The following VAV3 variants were observed in gnomAD, a reference collection of about 807,000 sequenced individuals.
VAV3 encodes the protein vav guanine nucleotide exchange factor 3, also known as guanine nucleotide exchange factor VAV3.
In VAV3, 94 loss-of-function variants were observed where a neutral mutation model predicts 131.2. The observed-to-expected ratio is 0.72, with a 90% CI of 0.61 to 0.85. The LOEUF (loss-of-function observed/expected upper bound fraction) is 0.85, where lower values mean the gene tolerates loss of function less well. Among genes scored for constraint, VAV3 ranks in the 40% least tolerant of loss-of-function variants. VAV3 has a pLI of 0.00. For missense variants in VAV3, 939 were observed against 1,002.7 expected (o/e 0.94, Z 0.86); for synonymous variants, 349 against 342.0 (o/e 1.02, Z -0.22).
intron 1 of VAV3, among the ~76,000 whole-genome samples, chr1:107,895,112 G>A (rs989944847): frequency 2.6e-5 from 4 of 151,970 alleles, no homozygotes; most frequent in Admixed American, 2.6e-4. Context: ...AGTCAGTTTG[G>A]GACGAAGAGG....
At chr1:107,837,352 CT>C (rs201592793) in intron 2 of VAV3, among the ~76,000 whole-genome samples, 1,620 of 152,066 alleles carry the variant, frequency 0.011, 16 homozygotes, top group African/African-American at 0.017. Flanking sequence ...CAGAAAAAAA[CT>C]TTGAATAAAA....
intron 25 of VAV3, among the ~76,000 whole-genome samples, chr1:107,575,054 AGCTAACTTTCTCCCTG>A (rs1317828052): frequency 4.1e-5 from 6 of 147,938 alleles, no homozygotes; most frequent in African/African-American, 1.5e-4. Flanking sequence ...GCAGGAGAGG[AGCTAACTTTCTCCCTG>A]GCCCTGCTGG....
chr1:107,799,944 T>C (rs1274858856), intron 2 of VAV3, among the ~76,000 whole-genome samples: 1 of 152,150 alleles, frequency 6.6e-6, no homozygotes, highest in African/African-American at 2.4e-5. Context: ...GAACATGTAA[T>C]ATTTGATTTT....
At chr1:107,905,477 A>G (rs1672058742) in intron 1 of VAV3, among the ~76,000 whole-genome samples, 1 of 152,164 alleles carries the variant, frequency 6.6e-6, no homozygotes. Flanking sequence ...TGCCCTATAC[A>G]TAGTAGACCC....
chr1:107,811,226 T>C (rs17020107), intron 2 of VAV3, among the ~76,000 whole-genome samples: 22,995 of 152,094 alleles, frequency 0.15, 2,018 homozygotes, highest in East Asian at 0.29. Flanking sequence ...GTTGAACAGG[T>C]ATCTTTTAGA....
intron 15 of VAV3, among the ~76,000 whole-genome samples, chr1:107,741,099 T>G (rs1444153100): frequency 6.6e-6 from 1 of 152,222 alleles, no homozygotes; most frequent in Non-Finnish European, 1.5e-5. Flanking sequence ...TGCTGTTTCT[T>G]AGGCCTGCTT....
chr1:107,839,754 A>T (rs952581614), intron 2 of VAV3, among the ~76,000 whole-genome samples: 19 of 152,148 alleles, frequency 1.2e-4, no homozygotes, highest in African/African-American at 4.6e-4. Flanking sequence ...CTTTGAAAAG[A>T]TCAATAAAAC....
chr1:107,799,421 T>C (rs1666724140), intron 2 of VAV3, among the ~76,000 whole-genome samples: 1 of 151,696 alleles, frequency 6.6e-6, no homozygotes, highest in Admixed American at 6.6e-5. Flanking sequence ...CATATCCATA[T>C]TTGTAAGAAT....
At chr1:107,865,436 C>T (rs538856863) in intron 2 of VAV3, among the ~76,000 whole-genome samples, 3 of 152,028 alleles carry the variant, frequency 2.0e-5, no homozygotes, top group Admixed American at 1.3e-4. Flanking sequence ...ATTGAGTCAC[C>T]GCAGACAAGG....
At chr1:107,688,344 C>A (rs1486283374) in intron 18 of VAV3, 37 bp downstream of exon 18, 2 of 1,605,142 alleles carry the variant, frequency 1.2e-6, no homozygotes, top group Non-Finnish European at 1.7e-6. Context: ...ACTTGAAATG[C>A]AAAGGTTATA....
intron 15 of VAV3, among the ~76,000 whole-genome samples, chr1:107,735,629 C>A (rs1260712594): frequency 7.9e-6 from 1 of 127,314 alleles, no homozygotes; most frequent in Non-Finnish European, 1.7e-5. Context: ...AATTCCTAGA[C>A]ACATACACTC....
At chr1:107,607,913 A>G in intron 22 of VAV3, among the ~76,000 whole-genome samples, 1 of 152,334 alleles carries the variant, frequency 6.6e-6, no homozygotes, top group South Asian at 2.1e-4. Flanking sequence ...CAAGCAAAGT[A>G]ATTTTCTCTA....
intron 19 of VAV3, among the ~76,000 whole-genome samples, chr1:107,679,708 G>A (rs1028387447): frequency 1.3e-5 from 2 of 152,122 alleles, no homozygotes; most frequent in African/African-American, 4.8e-5. Context: ...CTTTGACCTT[G>A]AGTGCCACTT....
At chr1:107,817,015 C>G (rs544356231) in intron 2 of VAV3, among the ~76,000 whole-genome samples, 1 of 152,342 alleles carries the variant, frequency 6.6e-6, no homozygotes, top group Admixed American at 6.5e-5. Context: ...GCACCCACAA[C>G]AGTGTTCCTC....
intron 2 of VAV3, among the ~76,000 whole-genome samples, chr1:107,789,921 G>C (rs1470302987): frequency 6.6e-6 from 1 of 152,160 alleles, no homozygotes; most frequent in Non-Finnish European, 1.5e-5. Flanking sequence ...CAACCTGAGT[G>C]CTCAGTAGCC....
chr1:107,781,372 AC>A (rs1253911675), intron 2 of VAV3, among the ~76,000 whole-genome samples: 1 of 152,170 alleles, frequency 6.6e-6, no homozygotes, highest in African/African-American at 2.4e-5. Context: ...ATTCTTGAAA[AC>A]TGCAAAAAGG....
chr1:107,604,071 A>T (rs1222206665), intron 22 of VAV3, among the ~76,000 whole-genome samples: 1 of 146,272 alleles, frequency 6.8e-6, no homozygotes, highest in Non-Finnish European at 1.5e-5. Flanking sequence ...AATAATCTTT[A>T]ATGACCCCTC....
At chr1:107,582,452 T>C (rs1349578686) in intron 25 of VAV3, among the ~76,000 whole-genome samples, 18 of 152,140 alleles carry the variant, frequency 1.2e-4, no homozygotes. Context: ...AGGGTACGTG[T>C]GCACAATGTG....
At chr1:107,814,078 T>C (rs192812445) in intron 2 of VAV3, among the ~76,000 whole-genome samples, 4 of 151,994 alleles carry the variant, frequency 2.6e-5, no homozygotes, top group East Asian at 3.9e-4. Context: ...GTTGATTCCA[T>C]ATCTTGGCAA....
Sources: allele counts gnomAD v4.1 joint callset (sites outside exome capture counted in the v4.1 genomes callset), GRCh38; gene constraint gnomAD v4.1.1; transcripts MANE v1.5; gene names NCBI Gene and HGNC (gene_info 2026-07-23, HGNC 2026-07-21).